Variants in HS2ST1 observed in about 807,000 individuals in gnomAD.
HS2ST1 encodes 2-O-sulfotransferase.
Under a neutral mutation model 42.9 loss-of-function variants are expected in HS2ST1, and 18 were observed. That is an observed-to-expected ratio of 0.42 (90% CI 0.29 to 0.62). The LOEUF (loss-of-function observed/expected upper bound fraction) is 0.62. HS2ST1 is among the 20% of genes least tolerant of loss of function. HS2ST1 has a pLI of 0.21. For missense variants in HS2ST1, 334 were observed against 433.8 expected (o/e 0.77, Z 2.04); for synonymous variants, 146 against 152.9 (o/e 0.95, Z 0.33).
In HS2ST1 at chr1:86,938,110, A is replaced by ATATGTTGATTTCTTCTTATTTAAGGAAAG. The variant is rs557346090; in HGVS notation, c.124+22951_124+22979dup. 1.9e-3 allele frequency among the ~76,000 whole-genome samples: 290 copies of ATATGTTGATTTCTTCTTATTTAAGGAAAG among 152,292 alleles called. 1 individual carries two copies. Among genetic ancestry groups the ATATGTTGATTTCTTCTTATTTAAGGAAAG allele is most frequent in the African/African-American group, 6.6e-3 (275 of 41,574 alleles). On this transcript the variant is annotated intron_variant, in intron 1 of 6. Transcript: ENST00000370550. Reference sequence around the variant, plus strand: ...TCCTCTGGAAGGAAACAGTAAGATTATATGTTGATTTCTTCTTATTTAAGG... The same window carrying ATATGTTGATTTCTTCTTATTTAAGGAAAG: ...TCCTCTGGAAGGAAACAGTAAGATTATATGTTGATTTCTTCTTATTTAAGGAAAGTATGTTGATTTCTTCTTATTTAAGG...
chr1:86,963,862 G>A (rs1366693632), intron 1 of HS2ST1, among the ~76,000 whole-genome samples: 1 of 148,278 alleles, frequency 6.7e-6, no homozygotes, highest in African/African-American at 2.5e-5. Flanking sequence ...GCCCGGACGG[G>A]GTGGCTGGCC....
intron 1 of HS2ST1, among the ~76,000 whole-genome samples, chr1:87,015,010 G>T (rs1649709076): frequency 6.6e-6 from 1 of 151,712 alleles, no homozygotes; most frequent in South Asian, 2.1e-4. Context: ...ACAGTAACAT[G>T]CCTTTACTTA....
chr1:86,990,834 A>AT (rs1362510460), intron 1 of HS2ST1, among the ~76,000 whole-genome samples: 1 of 18,212 alleles, frequency 5.5e-5, no homozygotes, highest in African/African-American at 9.4e-5. Context: ...ATATATATAT[A>AT]TATTTTTTTT....
chr1:87,086,172 A>G (rs1457585194), intron 3 of HS2ST1, among the ~76,000 whole-genome samples: 1 of 152,140 alleles, frequency 6.6e-6, no homozygotes, highest in Non-Finnish European at 1.5e-5. Context: ...CGCCTTACCA[A>G]TTTTTTAGAT....
At chr1:86,977,660 C>T (rs571696618) in intron 1 of HS2ST1, among the ~76,000 whole-genome samples, 5 of 152,264 alleles carry the variant, frequency 3.3e-5, no homozygotes, top group African/African-American at 9.6e-5. Flanking sequence ...TAGGAAAGGA[C>T]TTTTAACCTC....
chr1:86,951,116 A>C (rs568009281), intron 1 of HS2ST1, among the ~76,000 whole-genome samples: 1 of 152,236 alleles, frequency 6.6e-6, no homozygotes, highest in Non-Finnish European at 1.5e-5. Context: ...TTAGCAGTAC[A>C]TGCTTCAGAT....
At chr1:86,975,677 C>T (rs1187238751) in intron 1 of HS2ST1, among the ~76,000 whole-genome samples, 1 of 152,044 alleles carries the variant, frequency 6.6e-6, no homozygotes, top group Non-Finnish European at 1.5e-5. Flanking sequence ...GTAATTTTTA[C>T]AGTTTAAGGC....
chr1:86,954,624 T>TA (rs1184325475), intron 1 of HS2ST1, among the ~76,000 whole-genome samples: 2 of 152,240 alleles, frequency 1.3e-5, no homozygotes, highest in African/African-American at 2.4e-5. Flanking sequence ...AAATTGTTGA[T>TA]AATGATTCAT....
chr1:87,084,886 C>T (rs1651782357), intron 3 of HS2ST1, among the ~76,000 whole-genome samples: 1 of 151,814 alleles, frequency 6.6e-6, no homozygotes, highest in African/African-American at 2.4e-5. Flanking sequence ...CTCAGGTGAT[C>T]CTCCTGCCTC....
At chr1:87,041,239 AAC>A (rs201509445) in intron 1 of HS2ST1, among the ~76,000 whole-genome samples, 4,454 of 19,222 alleles carry the variant, frequency 0.23, 685 homozygotes, top group African/African-American at 0.28. Context: ...AAAAAAAAAA[AAC>A]AAAAAAAAAA....
At chr1:87,022,151 A>G (rs1649969672) in intron 1 of HS2ST1, among the ~76,000 whole-genome samples, 1 of 152,192 alleles carries the variant, frequency 6.6e-6, no homozygotes, top group African/African-American at 2.4e-5. Flanking sequence ...GTCGGCTGGT[A>G]TTATTAAGTG....
chr1:86,988,593 C>T (rs1648857931), intron 1 of HS2ST1, among the ~76,000 whole-genome samples: 1 of 152,182 alleles, frequency 6.6e-6, no homozygotes, highest in Non-Finnish European at 1.5e-5. Context: ...TTGCCCAGAC[C>T]TTGGGAATCC....
Position 87,107,248 on chromosome 1 carries a change from G to T in HS2ST1, c.*2552G>T, listed in dbSNP as rs576307521. 1 of 152,090 alleles carries T rather than the reference G, an allele frequency of 6.6e-6. No homozygotes were observed. The highest frequency in any genetic ancestry group is 6.6e-5 in the Admixed American group (1 of 15,244). The allele number at this position is 152,090 out of a possible 1,614,324, so 9.4% of individuals were successfully genotyped here. A position where few individuals can be genotyped will look rare whatever the true frequency, so the allele number is the denominator to read the frequency against. On this transcript the variant is annotated 3_prime_UTR_variant, in exon 7 of 7. Coordinates refer to ENST00000370550, the MANE Select transcript of HS2ST1 (RefSeq NM_012262.4). ...TCCAAAGAATTGCTTTCTGATTCGTGTAGTCTCTCCCACAGATTCATAAAC... is the reference window on the plus strand; with the variant it reads ...TCCAAAGAATTGCTTTCTGATTCGTTTAGTCTCTCCCACAGATTCATAAAC...
intron 1 of HS2ST1, chr1:87,044,848 T>C (rs937926893): frequency 1.3e-5 from 11 of 856,742 alleles, no homozygotes; most frequent in African/African-American, 1.2e-4. Context: ...TTTTCCCCTT[T>C]GGAACAAAGG....
intron 1 of HS2ST1, among the ~76,000 whole-genome samples, chr1:87,053,718 G>A (rs1650888767): frequency 6.6e-6 from 1 of 152,140 alleles, no homozygotes; most frequent in African/African-American, 2.4e-5. Context: ...TATACTTTGA[G>A]TATCTACAAG....
At chr1:87,010,147 T>G (rs1429672894) in intron 1 of HS2ST1, among the ~76,000 whole-genome samples, 2 of 151,946 alleles carry the variant, frequency 1.3e-5, no homozygotes, top group Non-Finnish European at 2.9e-5. Flanking sequence ...AAGCAAGAAA[T>G]GTAAGCCTTC....
At chr1:86,941,457 A>T (rs1198647038) in intron 1 of HS2ST1, among the ~76,000 whole-genome samples, 1 of 151,784 alleles carries the variant, frequency 6.6e-6, no homozygotes, top group Non-Finnish European at 1.5e-5. Context: ...ATTAAATATT[A>T]ATGTACATCT....
chr1:87,018,580 AC>A (rs1649831210), intron 1 of HS2ST1, among the ~76,000 whole-genome samples: 1 of 152,248 alleles, frequency 6.6e-6, no homozygotes, highest in South Asian at 2.1e-4. Flanking sequence ...CCAGTGAGAC[AC>A]CACCCATGAA....
intron 1 of HS2ST1, among the ~76,000 whole-genome samples, chr1:86,933,392 C>T (rs566166001): frequency 2.0e-5 from 3 of 152,262 alleles, no homozygotes; most frequent in African/African-American, 4.8e-5. Flanking sequence ...TTTCTATCAA[C>T]GTATCTTCAA....
Sources: gnomAD v4.1 joint callset for allele counts (sites outside exome capture counted in the v4.1 genomes callset) on GRCh38, gnomAD v4.1.1 for gene constraint, MANE v1.5 for transcripts, NCBI Gene and HGNC (gene_info 2026-07-23, HGNC 2026-07-21) for gene names.